MAN2B2: variants seen among roughly 807,000 people sequenced by gnomAD.
The protein encoded by MAN2B2 is epididymis-specific alpha-mannosidase.
MAN2B2 carries 106 observed loss-of-function variants against 117.1 expected under a neutral mutation model. The ratio of observed to expected loss-of-function variants is 0.90; its 90% CI spans 0.77 to 1.06. MAN2B2 has a LOEUF of 1.06. Ranked by LOEUF, MAN2B2 falls within the 50% of genes least tolerant of loss-of-function variation. The probability of loss-of-function intolerance (pLI) is 0.00; values close to 1 mark genes in which losing one functional copy is unlikely to be tolerated. For synonymous variants in MAN2B2, 544 were observed against 595.1 expected (o/e 0.91, Z 1.25); for missense variants, 1,326 against 1,381.4 (o/e 0.96, Z 0.64).
At chr4:6,578,369 TTC>T in intron 2 of MAN2B2, 22 bp from the exon 3 acceptor site, 3 of 1,594,974 alleles carry the variant, frequency 1.9e-6, no homozygotes, top group Non-Finnish European at 2.6e-6. Context: ...ACTGGCTTTT[TTC>T]TCTCTGCCTG....
intron 3 of MAN2B2, among the ~76,000 whole-genome samples, chr4:6,581,958 C>T (rs1726444292): frequency 6.6e-6 from 1 of 152,004 alleles, no homozygotes; most frequent in Non-Finnish European, 1.5e-5. Flanking sequence ...GTGTGGGCAG[C>T]GGCCCCCGGG....
At chr4:6,614,066 A>G in intron 15 of MAN2B2, 152 bp from the exon 16 acceptor site, 1 of 932,988 alleles carries the variant, frequency 1.1e-6, no homozygotes, top group East Asian at 2.7e-5. Context: ...TTGGGAGCAC[A>G]AACACTTTGG....
intron 9 of MAN2B2, among the ~76,000 whole-genome samples, chr4:6,598,902 C>T (rs1727214043): frequency 6.6e-6 from 1 of 152,240 alleles, no homozygotes; most frequent in Non-Finnish European, 1.5e-5. Flanking sequence ...TGGGACCAGC[C>T]TCTTTGACTG....
intron 17 of MAN2B2, 76 bp downstream of exon 17, chr4:6,617,568 G>A (rs1711947158): frequency 6.3e-7 from 1 of 1,580,526 alleles, no homozygotes; most frequent in South Asian, 1.1e-5. Context: ...AACTGCCTTG[G>A]CAAAGAGATC....
At chr4:6,614,175 T>G (rs1285084145) in intron 15 of MAN2B2, 43 bp from the exon 16 acceptor site, 1 of 1,598,020 alleles carries the variant, frequency 6.3e-7, no homozygotes, top group Non-Finnish European at 8.5e-7. Context: ...GAGGAGGAGT[T>G]GAGCCCCAAA....
At chr4:6,590,029 T>C (rs1726794618) in intron 5 of MAN2B2, among the ~76,000 whole-genome samples, 1 of 151,764 alleles carries the variant, frequency 6.6e-6, no homozygotes, top group African/African-American at 2.4e-5. Flanking sequence ...ATGGTACCAC[T>C]GCACTCCAGC....
chr4:6,599,171 C>T (rs1257479598), intron 9 of MAN2B2, among the ~76,000 whole-genome samples: 1 of 152,214 alleles, frequency 6.6e-6, no homozygotes, highest in Non-Finnish European at 1.5e-5. Flanking sequence ...AGTCATAGGT[C>T]ACTGCTGCCT....
intron 15 of MAN2B2, among the ~76,000 whole-genome samples, chr4:6,612,980 C>T (rs1158046239): frequency 6.6e-6 from 1 of 152,220 alleles, no homozygotes; most frequent in Non-Finnish European, 1.5e-5. Flanking sequence ...CCTTCACCTC[C>T]CACCTGGGAT....
At position 6,597,233 on chromosome 4, in the gene MAN2B2, C is replaced by G; in HGVS notation, c.1178C>G (p.Ala393Gly). ...ATGTTCACACGCTACCTGTGGCCGGCCCCCCGTGGGCATCTGGACCCCACC... is the reference window on the plus strand; with the variant it reads ...ATGTTCACACGCTACCTGTGGCCGGGCCCCCGTGGGCATCTGGACCCCACC... ...ESMFTRYLWP[A>G]PRGHLDPTWA... Residue 393 changes from alanine (A) to glycine (G), a missense_variant, in exon 8 of 19, where the codon GCC (alanine) becomes GGC (glycine). By Grantham distance (60) the Ala-to-Gly change is moderately conservative. Transcript: ENST00000285599. The G allele has an allele frequency of 6.2e-7, 1 of 1,604,848 alleles. No individual in the cohort carries two copies. Among genetic ancestry groups the G allele is most frequent in the Non-Finnish European group, 8.5e-7 (1 of 1,175,040 alleles).
At chr4:6,577,970 C>T (rs1225629098) in intron 2 of MAN2B2, among the ~76,000 whole-genome samples, 1 of 152,176 alleles carries the variant, frequency 6.6e-6, no homozygotes, top group Non-Finnish European at 1.5e-5. Context: ...CTATAAACAG[C>T]TGTGTGTACA....
At chr4:6,609,639 G>T in intron 12 of MAN2B2, 159 bp from the exon 13 acceptor site, 1 of 907,072 alleles carries the variant, frequency 1.1e-6, no homozygotes, top group Non-Finnish European at 1.7e-6. Context: ...AGCCGCTCGG[G>T]GTCCTGGGTG....
chr4:6,598,460 C>G (rs568108889), intron 9 of MAN2B2, 106 bp downstream of exon 9: 4 of 1,231,918 alleles, frequency 3.2e-6, no homozygotes. Flanking sequence ...GAGTCCACAT[C>G]ACCCATATCG....
At chr4:6,589,231 C>G in intron 5 of MAN2B2, 71 bp downstream of exon 5, 2 of 1,235,790 alleles carry the variant, frequency 1.6e-6, no homozygotes, top group South Asian at 2.5e-5. Context: ...AGCTGTTCTG[C>G]AGTTTTGTTT....
intron 15 of MAN2B2, among the ~76,000 whole-genome samples, chr4:6,613,005 C>T (rs1252142873): frequency 6.6e-6 from 1 of 152,218 alleles, no homozygotes; most frequent in Admixed American, 6.5e-5. Context: ...CTCTGAACAG[C>T]TCTGGGGCTG....
At chr4:6,608,158 C>T (rs1344260914) in intron 11 of MAN2B2, among the ~76,000 whole-genome samples, 1 of 152,094 alleles carries the variant, frequency 6.6e-6, no homozygotes, top group African/African-American at 2.4e-5. Context: ...TTTGCAAATC[C>T]CTCCTCCCAT....
intron 3 of MAN2B2, among the ~76,000 whole-genome samples, chr4:6,581,577 G>A (rs1726427474): frequency 6.6e-6 from 1 of 151,946 alleles, no homozygotes; most frequent in African/African-American, 2.4e-5. Flanking sequence ...ATATGTTGGG[G>A]TAAGAGGGGC....
At chr4:6,580,137 T>C (rs1247727556) in intron 3 of MAN2B2, among the ~76,000 whole-genome samples, 1 of 152,224 alleles carries the variant, frequency 6.6e-6, no homozygotes, top group Non-Finnish European at 1.5e-5. Flanking sequence ...AGTGTTCCCC[T>C]GTCTCAGTTT....
Position 6,604,677 on chromosome 4 carries a change from C to G in MAN2B2, c.1540-378C>G, listed in dbSNP as rs539357136. 3.9e-5 allele frequency among the ~76,000 whole-genome samples: 6 copies of G among 152,122 alleles called. No homozygotes were observed. In the South Asian group the frequency reaches 1.2e-3, roughly 32 times the overall value. On this transcript the variant is annotated intron_variant, in intron 10 of 18. Coordinates refer to ENST00000285599, the MANE Select transcript of MAN2B2 (RefSeq NM_015274.3). ...TTGACATCCACGTGGAGGCGTCAAA[C>G]AAGAAGCTGTATTCGTGGATCTCGG...
In MAN2B2 at chr4:6,586,976, G is replaced by A. The variant is rs574157804; in HGVS notation, c.392-20G>A. 5.6e-6 allele frequency: 9 copies of A among 1,606,240 alleles called. No homozygotes were observed. In the East Asian group the frequency reaches 2.0e-4, roughly 36 times the overall value. On this transcript the variant is annotated intron_variant, in intron 3 of 18. Coordinates refer to ENST00000285599, the MANE Select transcript of MAN2B2 (RefSeq NM_015274.3). ...CAGGCCCGCCCTCCAGGCACCAGCA[G>A]GGTGTTGCTGTCTTTGCAGAAGGAC...
Sources: gnomAD v4.1 joint callset for allele counts (sites outside exome capture counted in the v4.1 genomes callset) on GRCh38, gnomAD v4.1.1 for gene constraint, MANE v1.5 for transcripts, NCBI Gene and HGNC (gene_info 2026-07-23, HGNC 2026-07-21) for gene names.